The following CCSER1 variants were observed in gnomAD, a reference collection of about 807,000 sequenced individuals.
The protein encoded by CCSER1 is coiled-coil serine rich protein 1, also known as serine-rich coiled-coil domain-containing protein 1.
A neutral mutation model predicts 82.0 loss-of-function variants in CCSER1; 41 were observed. The ratio of observed to expected loss-of-function variants is 0.50; its 90% confidence interval spans 0.39 to 0.65. The LOEUF is 0.65. CCSER1 is among the 30% of genes least tolerant of loss of function. The probability of loss-of-function intolerance (pLI) is 0.00; values close to 1 mark genes in which losing one functional copy is unlikely to be tolerated. For synonymous variants in CCSER1, 414 were observed against 383.9 expected, an observed-to-expected ratio of 1.08 and a Z score of -0.92; for missense variants, 1,119 against 1,064.2, an observed-to-expected ratio of 1.05 and a Z score of -0.72.
intron 1 of CCSER1, among the ~76,000 whole-genome samples, chr4:90,136,188 C>T (rs987727258): frequency 5.9e-5 from 9 of 152,044 alleles, no homozygotes; most frequent in Non-Finnish European, 8.8e-5. Context: ...TGCTCCTGTA[C>T]TCAAGGAGTG....
chr4:90,169,375 G>A (rs1455097437), intron 1 of CCSER1, among the ~76,000 whole-genome samples: 1 of 151,992 alleles, frequency 6.6e-6, no homozygotes, highest in African/African-American at 2.4e-5. Context: ...GGAGATTTTG[G>A]GCTGAGACGA....
intron 1 of CCSER1, among the ~76,000 whole-genome samples, chr4:90,227,952 C>T (rs1316697586): frequency 6.6e-6 from 1 of 152,236 alleles, no homozygotes. Context: ...TTATATCCCG[C>T]ACCTGGCTCG....
At chr4:90,675,547 A>AT (rs921882611) in intron 6 of CCSER1, among the ~76,000 whole-genome samples, 13 of 150,392 alleles carry the variant, frequency 8.6e-5, no homozygotes, top group East Asian at 3.9e-4. Flanking sequence ...GGGTAGACCA[A>AT]TTTTTTTTTG....
intron 8 of CCSER1, 95 bp from the exon 9 acceptor site, chr4:90,923,275 A>T: frequency 4.7e-6 from 4 of 857,224 alleles, no homozygotes; most frequent in Non-Finnish European, 5.8e-6. Flanking sequence ...AAGAACATGA[A>T]TTATACACTA....
intron 10 of CCSER1, among the ~76,000 whole-genome samples, chr4:91,173,177 T>A (rs17209005): frequency 0.016 from 2,484 of 152,304 alleles, 41 homozygotes; most frequent in Middle Eastern, 0.044. Flanking sequence ...GAGGTTAAGA[T>A]GAAGATTTTG....
At chr4:91,428,647 C>T (rs1430334578) in intron 10 of CCSER1, among the ~76,000 whole-genome samples, 3 of 151,950 alleles carry the variant, frequency 2.0e-5, no homozygotes, top group Non-Finnish European at 4.4e-5. Flanking sequence ...TTTCCAACCA[C>T]CTTTCATGCC....
chr4:91,406,720 A>T (rs754584558), intron 10 of CCSER1, among the ~76,000 whole-genome samples: 1 of 152,204 alleles, frequency 6.6e-6, no homozygotes, highest in Non-Finnish European at 1.5e-5. Context: ...TAATATCTTC[A>T]TGACTGTACA....
chr4:90,622,018 C>T (rs1199192081), intron 5 of CCSER1, among the ~76,000 whole-genome samples: 4 of 152,096 alleles, frequency 2.6e-5, no homozygotes, highest in African/African-American at 7.2e-5. Context: ...TCTGGCTTTT[C>T]CTTTTGTACT....
chr4:91,307,187 T>C (rs1263280473), intron 10 of CCSER1, among the ~76,000 whole-genome samples: 1 of 151,972 alleles, frequency 6.6e-6, no homozygotes, highest in African/African-American at 2.4e-5. Flanking sequence ...ATAAAATATT[T>C]CTGTGTTTTC....
At chr4:90,667,182 G>A (rs1731946551) in intron 6 of CCSER1, among the ~76,000 whole-genome samples, 1 of 152,084 alleles carries the variant, frequency 6.6e-6, no homozygotes, top group African/African-American at 2.4e-5. Flanking sequence ...TGGCACAAGG[G>A]CTCATGGGTT....
At chr4:91,563,689 A>G (rs1273917753) in intron 10 of CCSER1, among the ~76,000 whole-genome samples, 3 of 151,796 alleles carry the variant, frequency 2.0e-5, no homozygotes, top group Non-Finnish European at 2.9e-5. Context: ...AGTACTTGAC[A>G]TCGTAACCAG....
chr4:91,592,524 T>A (rs1432983541), intron 10 of CCSER1, among the ~76,000 whole-genome samples: 1 of 152,136 alleles, frequency 6.6e-6, no homozygotes, highest in Non-Finnish European at 1.5e-5. Flanking sequence ...AACCATGAAC[T>A]TATTCAGAAG....
At chr4:91,004,188 T>C (rs373996675) in intron 9 of CCSER1, among the ~76,000 whole-genome samples, 14 of 152,190 alleles carry the variant, frequency 9.2e-5, no homozygotes, top group African/African-American at 2.9e-4. Context: ...AATGTGAGTC[T>C]CTACACACTG....
intron 9 of CCSER1, among the ~76,000 whole-genome samples, chr4:91,038,423 A>G (rs1428566351): frequency 7.7e-6 from 1 of 129,716 alleles, no homozygotes; most frequent in Non-Finnish European, 1.6e-5. Context: ...AACAATTAGC[A>G]AAATATTTTA....
At chr4:90,685,912 A>G (rs939890527) in intron 6 of CCSER1, among the ~76,000 whole-genome samples, 2 of 152,168 alleles carry the variant, frequency 1.3e-5, no homozygotes, top group African/African-American at 4.8e-5. Context: ...TCTTGCCCAT[A>G]TCGAAATTCA....
At chr4:91,558,779 G>A (rs555255213) in intron 10 of CCSER1, among the ~76,000 whole-genome samples, 1 of 151,606 alleles carries the variant, frequency 6.6e-6, no homozygotes, top group South Asian at 2.1e-4. Context: ...GGCCCCCATG[G>A]TTCAATTACA....
At chr4:91,379,689 A>G (rs2149335362) in intron 10 of CCSER1, among the ~76,000 whole-genome samples, 1 of 152,186 alleles carries the variant, frequency 6.6e-6, no homozygotes, top group South Asian at 2.1e-4. Flanking sequence ...TGATCTTTTC[A>G]AAAAACCAGG....
At chr4:91,448,949 T>C (rs1296586052) in intron 10 of CCSER1, among the ~76,000 whole-genome samples, 1 of 151,756 alleles carries the variant, frequency 6.6e-6, no homozygotes, top group East Asian at 1.9e-4. Flanking sequence ...GGAATAAGAA[T>C]AGTGATGGGG....
intron 5 of CCSER1, among the ~76,000 whole-genome samples, chr4:90,528,139 A>T (rs1301872258): frequency 6.6e-6 from 1 of 152,154 alleles, no homozygotes; most frequent in African/African-American, 2.4e-5. Flanking sequence ...CCAAGGAGTG[A>T]CCTTTAAAGG....
Sources: allele counts gnomAD v4.1 joint callset (sites outside exome capture counted in the v4.1 genomes callset), GRCh38; gene constraint gnomAD v4.1.1; transcripts MANE v1.5; gene names NCBI Gene and HGNC (gene_info 2026-07-23, HGNC 2026-07-21).